Variants in MITF observed in about 807,000 individuals in gnomAD.
The protein encoded by MITF is microphthalmia-associated transcription factor.
In MITF, 17 loss-of-function variants were observed where a neutral mutation model predicts 60.5. That is an observed-to-expected ratio of 0.28 (90% CI 0.19 to 0.42). MITF has a LOEUF of 0.42. Among genes scored for constraint, MITF ranks in the 10% least tolerant of loss-of-function variants. The probability of loss-of-function intolerance (pLI) is 1.00; values close to 1 mark genes in which losing one functional copy is unlikely to be tolerated. For synonymous variants in MITF, 260 were observed against 248.5 expected, an observed-to-expected ratio of 1.05 and a Z score of -0.43; for missense variants, 622 against 683.5, an observed-to-expected ratio of 0.91 and a Z score of 1.00.
At chr3:69,806,723 G>A (rs1240227821) in intron 1 of MITF, among the ~76,000 whole-genome samples, 2 of 152,142 alleles carry the variant, frequency 1.3e-5, no homozygotes, top group East Asian at 1.9e-4. Flanking sequence ...GATGCCCGGC[G>A]AGGACAGTGC....
intron 1 of MITF, among the ~76,000 whole-genome samples, chr3:69,813,887 C>G (rs1308313978): frequency 6.6e-6 from 1 of 152,092 alleles, no homozygotes; most frequent in East Asian, 1.9e-4. Context: ...TTTCTGGAGA[C>G]CCCTTAAAAT....
chr3:69,817,046 G>A (rs559540618), intron 1 of MITF, among the ~76,000 whole-genome samples: 193 of 152,272 alleles, frequency 1.3e-3, no homozygotes, highest in African/African-American at 4.4e-3. Flanking sequence ...ACTTCTGGGT[G>A]TGGTAGCCAG....
At chr3:69,905,353 G>A (rs11128148) in intron 2 of MITF, among the ~76,000 whole-genome samples, 4,169 of 151,620 alleles carry the variant, frequency 0.027, 116 homozygotes, top group African/African-American at 0.066. Flanking sequence ...TTTTATATAG[G>A]CAGACCACAG....
chr3:69,739,466 G>A lies in MITF; in HGVS notation c.-132G>A, dbSNP rs1472346942. The A allele has an allele frequency of 4.1e-6, 3 of 723,934 alleles. No homozygotes were observed. Among genetic ancestry groups the A allele is most frequent in the African/African-American group, 1.9e-5 (1 of 52,878 alleles). 44.8% of individuals were successfully genotyped at this position (723,934 alleles called of 1,614,324 possible). The stretch of plus-strand genomic sequence containing the variant: ...TCCCCGCGCTGGGGCGGGCGGCCGC[G>A]AGCCGGCGAGCGGGCAGAGCTCGGC... On this transcript the variant is annotated 5_prime_UTR_variant, in exon 1 of 10. Transcript: ENST00000352241.
intron 1 of MITF, among the ~76,000 whole-genome samples, chr3:69,741,825 C>A (rs1029038522): frequency 2.0e-5 from 3 of 152,216 alleles, no homozygotes; most frequent in African/African-American, 7.2e-5. Flanking sequence ...TCGTCGACAT[C>A]TGTTGTGTGA....
At chr3:69,958,489 T>G (rs1252651321) in intron 8 of MITF, among the ~76,000 whole-genome samples, 1 of 151,598 alleles carries the variant, frequency 6.6e-6, no homozygotes. Flanking sequence ...TTAATGACCC[T>G]CCATTCACCG....
At chr3:69,893,020 G>T (rs1364172047) in intron 2 of MITF, among the ~76,000 whole-genome samples, 5 of 152,148 alleles carry the variant, frequency 3.3e-5, no homozygotes, top group Admixed American at 3.3e-4. Flanking sequence ...TCTTTCTGAT[G>T]CTGGAGTCCT....
chr3:69,924,216 A>T (rs887534941), intron 2 of MITF, among the ~76,000 whole-genome samples: 1 of 152,212 alleles, frequency 6.6e-6, no homozygotes, highest in Non-Finnish European at 1.5e-5. Context: ...AGTTAACAAG[A>T]TGTTTCTCTG....
chr3:69,827,750 A>G (rs1048707244), intron 1 of MITF, among the ~76,000 whole-genome samples: 2 of 151,528 alleles, frequency 1.3e-5, no homozygotes, highest in Non-Finnish European at 2.9e-5. Flanking sequence ...TTTGACCTTC[A>G]CATCACTTTA....
intron 2 of MITF, among the ~76,000 whole-genome samples, chr3:69,917,551 TATAACATTCC>T (rs1375483580): frequency 6.6e-6 from 1 of 152,158 alleles, no homozygotes; most frequent in African/African-American, 2.4e-5. Flanking sequence ...TCTCTCCTTA[TATAACATTCC>T]TTATATTCTT....
At chr3:69,825,532 A>T (rs898539917) in intron 1 of MITF, among the ~76,000 whole-genome samples, 4 of 152,180 alleles carry the variant, frequency 2.6e-5, no homozygotes, top group Non-Finnish European at 5.9e-5. Context: ...CTGCAAAGTG[A>T]TAATATCTAC....
chr3:69,862,568 A>G (rs190706070), intron 1 of MITF, among the ~76,000 whole-genome samples: 7 of 152,378 alleles, frequency 4.6e-5, no homozygotes, highest in Admixed American at 3.9e-4. Context: ...ATGATAAAAC[A>G]GTAGCATTAC....
intron 2 of MITF, among the ~76,000 whole-genome samples, chr3:69,887,516 A>C (rs1322042797): frequency 6.6e-6 from 1 of 152,104 alleles, no homozygotes; most frequent in Non-Finnish European, 1.5e-5. Context: ...GCTCCAGATA[A>C]TATACCAGTT....
At chr3:69,856,279 CTTT>C (rs1335859748) in intron 1 of MITF, among the ~76,000 whole-genome samples, 5 of 152,096 alleles carry the variant, frequency 3.3e-5, no homozygotes, top group Non-Finnish European at 7.3e-5. Context: ...CCACATGGAA[CTTT>C]AAATATTACA....
intron 3 of MITF, chr3:69,938,382 A>G: frequency 6.4e-7 from 1 of 1,565,586 alleles, no homozygotes; most frequent in South Asian, 1.2e-5. Flanking sequence ...CAGAGAGAGG[A>G]GAAGGGGAGG....
chr3:69,955,795 C>T (rs1195240526), intron 7 of MITF, among the ~76,000 whole-genome samples: 1 of 151,790 alleles, frequency 6.6e-6, no homozygotes, highest in Non-Finnish European at 1.5e-5. Context: ...GCCTGGGTGA[C>T]AGAGCAAGAC....
intron 7 of MITF, among the ~76,000 whole-genome samples, chr3:69,953,488 G>C (rs1273242002): frequency 6.6e-6 from 1 of 151,652 alleles, no homozygotes; most frequent in East Asian, 1.9e-4. Context: ...TCCTCTTCTA[G>C]GAATTTATTT....
chr3:69,963,032 C>T (rs551245834), intron 9 of MITF, among the ~76,000 whole-genome samples: 81 of 152,212 alleles, frequency 5.3e-4, no homozygotes, highest in African/African-American at 1.9e-3. Flanking sequence ...GTCCCAATCT[C>T]CTCTTCTTAC....
chr3:69,811,081 A>G lies in MITF; in HGVS notation c.105-68053A>G, dbSNP rs114725988. Among the ~76,000 whole-genome samples the G allele has an allele frequency of 6.6e-3, 1,008 of 152,316 alleles. 9 individuals carry two copies. The highest frequency in any genetic ancestry group is 0.023 in the African/African-American group (951 of 41,562). On this transcript the variant is annotated intron_variant, in intron 1 of 9. Transcript: ENST00000352241. The stretch of plus-strand genomic sequence containing the variant: ...TGGTTCTGAACTCTGACAACACATT[A>G]GAATGACCCTGGAGGCTTTTCAAAT...
Sources: gnomAD v4.1 joint callset for allele counts (sites outside exome capture counted in the v4.1 genomes callset) on GRCh38, gnomAD v4.1.1 for gene constraint, MANE v1.5 for transcripts, NCBI Gene and HGNC (gene_info 2026-07-23, HGNC 2026-07-21) for gene names.